The following MALL variants were observed in gnomAD, a reference collection of about 807,000 sequenced individuals.
MALL encodes the protein mal, T cell differentiation protein like, also known as MAL-like protein.
In MALL, 2 loss-of-function variants were observed where a neutral mutation model predicts 10.3. The observed-to-expected ratio is 0.19, with a 90% CI of 0.08 to 0.61. The LOEUF is 0.61. Ranked by LOEUF, MALL falls within the 20% of genes least tolerant of loss-of-function variation. The pLI is 0.88. For synonymous variants in MALL, 27 were observed against 51.8 expected, an observed-to-expected ratio of 0.52 and a Z score of 2.05; for missense variants, 39 against 115.2, an observed-to-expected ratio of 0.34 and a Z score of 3.03.
At chr2:110,115,535 T>TCCC (rs3217463) in intron 1 of MALL, among the ~76,000 whole-genome samples, 153 bp downstream of exon 1, 9 of 80,060 alleles carry the variant, frequency 1.1e-4, no homozygotes, top group East Asian at 1.1e-3. Flanking sequence ...GAGGCCGGTC[T>TCCC]CCCCCCCCCT....
intron 1 of MALL, among the ~76,000 whole-genome samples, chr2:110,100,140 A>C (rs971639372): frequency 2.6e-5 from 4 of 152,206 alleles, no homozygotes; most frequent in African/African-American, 9.6e-5. Context: ...AGTGAGACTC[A>C]TTCATGGATT....
chr2:110,110,032 GA>G (rs1678771696), intron 1 of MALL, among the ~76,000 whole-genome samples: 1 of 152,070 alleles, frequency 6.6e-6, no homozygotes, highest in Non-Finnish European at 1.5e-5. Flanking sequence ...TGACAATAAT[GA>G]CACAACTTAT....
chr2:110,114,983 C>A (rs1252781828), intron 1 of MALL, among the ~76,000 whole-genome samples: 1 of 152,070 alleles, frequency 6.6e-6, no homozygotes. Flanking sequence ...TGGGAGCAGG[C>A]AGGATCCCCA....
At chr2:110,115,835 C>A (rs1678907984), upstream of MALL, 2 of 950,232 alleles carry the variant, frequency 2.1e-6, no homozygotes, top group Admixed American at 4.3e-5. Flanking sequence ...CTCGCCCGCG[C>A]GCAGCCTGTC....
intron 1 of MALL, among the ~76,000 whole-genome samples, chr2:110,099,167 G>A (rs1014346959): frequency 2.0e-5 from 3 of 152,042 alleles, no homozygotes; most frequent in African/African-American, 7.2e-5. Context: ...AAAATGAGTG[G>A]GAGTTTGGTT....
At chr2:110,101,940 C>T (rs895066452) in intron 1 of MALL, among the ~76,000 whole-genome samples, 64 of 152,236 alleles carry the variant, frequency 4.2e-4, no homozygotes, top group African/African-American at 7.5e-4. Context: ...TGTAAAGCAG[C>T]AAGGGGAAGG....
intron 1 of MALL, among the ~76,000 whole-genome samples, chr2:110,101,613 C>T (rs554115463): frequency 1.4e-4 from 21 of 152,166 alleles, no homozygotes; most frequent in African/African-American, 3.1e-4. Flanking sequence ...CTGGGATGGG[C>T]GCACCAGAGT....
At chr2:110,116,894 G>A (rs751286994), upstream of MALL, among the ~76,000 whole-genome samples, 38 of 152,288 alleles carry the variant, frequency 2.5e-4, 1 homozygote, top group Middle Eastern at 0.014. Context: ...GTGAGGGCTG[G>A]AGTAATTAGA....
chr2:110,100,537 G>C (rs1339258526), intron 1 of MALL, among the ~76,000 whole-genome samples: 1 of 152,060 alleles, frequency 6.6e-6, no homozygotes, highest in Admixed American at 6.5e-5. Context: ...TTGTGTACAG[G>C]AAAGGGAAAT....
intron 1 of MALL, among the ~76,000 whole-genome samples, chr2:110,100,737 GC>G (rs1678546691): frequency 6.6e-6 from 1 of 152,150 alleles, no homozygotes; most frequent in Non-Finnish European, 1.5e-5. Context: ...GTAGGCCACA[GC>G]CCAGCACAGG....
chr2:110,117,735 C>T (rs1208436783), upstream of MALL, among the ~76,000 whole-genome samples: 1 of 151,970 alleles, frequency 6.6e-6, no homozygotes, highest in Non-Finnish European at 1.5e-5. Flanking sequence ...TCCCCTTTCT[C>T]AGAGTTCCAG....
chr2:110,117,622 T>A (rs868759064), upstream of MALL, among the ~76,000 whole-genome samples: 133 of 120,678 alleles, frequency 1.1e-3, 1 homozygote, highest in Admixed American at 1.7e-3. Flanking sequence ...TGTGTGTGTG[T>A]GTGAGAGAGA....
At chr2:110,107,533 C>T (rs2104391066) in intron 1 of MALL, among the ~76,000 whole-genome samples, 2 of 152,242 alleles carry the variant, frequency 1.3e-5, no homozygotes, top group Middle Eastern at 3.4e-3. Context: ...GCAGCAACAG[C>T]AAGACCCACC....
chr2:110,113,860 A>G (rs1380862362), intron 1 of MALL, among the ~76,000 whole-genome samples: 1 of 152,206 alleles, frequency 6.6e-6, no homozygotes, highest in Non-Finnish European at 1.5e-5. Context: ...CTGAGGGAAG[A>G]GTACACAGAA....
chr2:110,109,803 A>G lies in MALL; in HGVS notation c.105+5885T>C, dbSNP rs530038214. On this transcript the variant is annotated intron_variant, in intron 1 of 3. Coordinates refer to ENST00000272462, the MANE Select transcript of MALL (RefSeq NM_005434.5). The stretch of plus-strand genomic sequence containing the variant: ...AACAGCACATGGAACTTTCTCTAAG[A>G]TAGACCATATGCTAGACCATAAAAT... Among the ~76,000 whole-genome samples the G allele has an allele frequency of 8.5e-5, 13 of 152,316 alleles. No homozygotes were observed. In the East Asian group the frequency reaches 2.3e-3, roughly 27 times the overall value.
Position 110,115,754 on chromosome 2 carries a change from C to A in MALL, c.39G>T (p.Pro13=). 2 of 1,289,216 alleles carry A rather than the reference C, an allele frequency of 1.6e-6. No homozygotes were observed. Among genetic ancestry groups the A allele is most frequent in the Admixed American group, 3.4e-5 (1 of 29,428 alleles). 79.9% of individuals were successfully genotyped at this position (1,289,216 alleles called of 1,614,324 possible). The change falls in exon 1 of 4, where the codon CCG becomes CCT. Residue 13 remains proline (P), a synonymous_variant. Coordinates refer to ENST00000272462, the MANE Select transcript of MALL (RefSeq NM_005434.5). ...SPDPPATSYA[P]SDVPSGVALF... ...GCGCGACCCCCGAGGGCACGTCGGACGGGGCGTAGCTGGTGGCGGGCGGGT... is the reference window on the plus strand; with the variant it reads ...GCGCGACCCCCGAGGGCACGTCGGAAGGGGCGTAGCTGGTGGCGGGCGGGT...
intron 1 of MALL, among the ~76,000 whole-genome samples, chr2:110,095,344 C>T (rs1678418487): frequency 1.3e-5 from 2 of 152,104 alleles, no homozygotes; most frequent in Admixed American, 6.6e-5. Flanking sequence ...TATTTGATTA[C>T]AGCGAGCCAT....
At chr2:110,109,757 T>C (rs1678762934) in intron 1 of MALL, among the ~76,000 whole-genome samples, 1 of 152,090 alleles carries the variant, frequency 6.6e-6, no homozygotes, top group African/African-American at 2.4e-5. Flanking sequence ...ATCCAACAAC[T>C]GCAGAATACA....
rs143260723 is a variant in MALL, at chr2:110,115,719, G to A, written c.74C>T (p.Thr25Ile). 2 of 1,292,598 alleles carry A rather than the reference G, an allele frequency of 1.5e-6. No homozygotes were observed. Among genetic ancestry groups the A allele is most frequent in the Non-Finnish European group, 2.0e-6 (2 of 1,012,864 alleles). The allele number at this position is 1,292,598 out of a possible 1,614,324, so 80.1% of individuals were successfully genotyped here. ...DVPSGVALFLTIPFAFFLPEL... is the reference protein window; with the variant it reads ...DVPSGVALFLIIPFAFFLPEL... ...GGGCAGGAAGAAGGCGAAAGGGATG[G>A]TGAGGAACAGCGCGACCCCCGAGGG... Residue 25 changes from threonine to isoleucine, a missense_variant, in exon 1 of 4, where the codon ACC becomes ATC. By Grantham distance (89) the Thr-to-Ile change is moderately conservative. Coordinates refer to ENST00000272462, the MANE Select transcript of MALL (RefSeq NM_005434.5).
Sources: gnomAD v4.1 joint callset for allele counts (sites outside exome capture counted in the v4.1 genomes callset) on GRCh38, gnomAD v4.1.1 for gene constraint, MANE v1.5 for transcripts, NCBI Gene and HGNC (gene_info 2026-07-23, HGNC 2026-07-21) for gene names.